Variants in FKBP14 observed in about 807,000 individuals in gnomAD.
FKBP14 encodes FKBP prolyl isomerase 14, also known as peptidyl-prolyl cis-trans isomerase FKBP14.
In FKBP14, 20 loss-of-function variants were observed where a neutral mutation model predicts 21.6. That is an observed-to-expected ratio of 0.92 (90% confidence interval 0.65 to 1.34). The LOEUF (loss-of-function observed/expected upper bound fraction) is 1.34, where lower values mean the gene tolerates loss of function less well. Among genes scored for constraint, FKBP14 ranks in the 40% most tolerant of loss-of-function variants. The probability of loss-of-function intolerance (pLI) is 0.00; values close to 1 mark genes in which losing one functional copy is unlikely to be tolerated. For synonymous variants in FKBP14, 79 were observed against 86.7 expected (o/e 0.91, Z 0.49); for missense variants, 253 against 249.0 (o/e 1.02, Z -0.11).
rs1310710662 is a variant in FKBP14 at position 30,010,643 on chromosome 7, TTAAA to T, written c.*4088_*4091del. The T allele has an allele frequency of 6.6e-6, 1 of 152,212 alleles. No individual in the cohort carries two copies. The highest frequency in any genetic ancestry group is 6.5e-5 in the Admixed American group (1 of 15,282). The allele number at this position is 152,212 out of a possible 1,614,324, so 9.4% of individuals were successfully genotyped here. ...AATATCACAATATAGTCATGTAAATTTAAATATGGCACACTGAGCAGTATTGACG... is the reference window on the plus strand; with the variant it reads ...AATATCACAATATAGTCATGTAAATTTATGGCACACTGAGCAGTATTGACG... On this transcript the variant is annotated 3_prime_UTR_variant, in exon 4 of 4. Coordinates refer to ENST00000222803, the MANE Select transcript of FKBP14 (RefSeq NM_017946.4).
chr7:30,019,970 T>C (rs1789988168), intron 2 of FKBP14, among the ~76,000 whole-genome samples: 1 of 151,956 alleles, frequency 6.6e-6, no homozygotes, highest in South Asian at 2.1e-4. Flanking sequence ...TCTTTAAAAG[T>C]GAAAAGAGCT....
At chr7:30,022,586 A>C in intron 2 of FKBP14, 79 bp downstream of exon 2, 1 of 1,433,480 alleles carries the variant, frequency 7.0e-7, no homozygotes, top group Non-Finnish European at 9.3e-7. Context: ...AAAAAAAGTT[A>C]TAGTGACTCT....
intron 2 of FKBP14, chr7:30,022,460 G>T: frequency 2.2e-6 from 1 of 460,352 alleles, no homozygotes; most frequent in Non-Finnish European, 3.8e-6. Flanking sequence ...TTTTTTTATT[G>T]TTAGCATAGT....
Position 30,014,389 on chromosome 7 carries a change from T to C in FKBP14, c.*346A>G, listed in dbSNP as rs570798299. ...GAGAAAATAGAGGGAAGCAGAAATA[T>C]AGGGTGCTAATTTGTGCTATAACCT... On this transcript the variant is annotated 3_prime_UTR_variant, in exon 4 of 4. Coordinates refer to ENST00000222803, the MANE Select transcript of FKBP14 (RefSeq NM_017946.4). The C allele has an allele frequency of 6.9e-5, 11 of 159,024 alleles. No homozygotes were observed. Among genetic ancestry groups the C allele is most frequent in the Non-Finnish European group, 8.2e-5 (6 of 72,906 alleles). 9.9% of individuals were successfully genotyped at this position (159,024 alleles called of 1,614,324 possible).
At chr7:30,016,992 T>C (rs1218863622) in intron 3 of FKBP14, among the ~76,000 whole-genome samples, 1 of 152,162 alleles carries the variant, frequency 6.6e-6, no homozygotes, top group African/African-American at 2.4e-5. Context: ...CTAGGATATA[T>C]TGTGTGAATA....
intron 1 of FKBP14, among the ~76,000 whole-genome samples, chr7:30,026,092 A>G (rs1790164335): frequency 6.6e-6 from 1 of 152,250 alleles, no homozygotes; most frequent in Non-Finnish European, 1.5e-5. Context: ...AAAAAAATTA[A>G]CAGCCTTTTC....
chr7:30,022,447 T>G (rs1790055851), intron 2 of FKBP14: 8 of 439,186 alleles, frequency 1.8e-5, no homozygotes, highest in Non-Finnish European at 2.0e-5. Flanking sequence ...GACCTCAATG[T>G]TCTTTTTTTA....
At chr7:30,018,950 C>T in intron 3 of FKBP14, 46 bp downstream of exon 3, 1 of 1,587,920 alleles carries the variant, frequency 6.3e-7, no homozygotes, top group Non-Finnish European at 8.5e-7. Flanking sequence ...AAACCCCAAA[C>T]AACCAAAGAA....
chr7:30,019,675 T>C (rs1433363871), intron 2 of FKBP14, among the ~76,000 whole-genome samples: 3 of 152,118 alleles, frequency 2.0e-5, no homozygotes, highest in Admixed American at 2.0e-4. Flanking sequence ...AATTTCCTCA[T>C]CTATAAAATG....
rs1790186660 is a variant in FKBP14 at position 30,026,577 on chromosome 7, A to G, written c.-69T>C. 1 of 1,454,668 alleles carries G rather than the reference A, an allele frequency of 6.9e-7. No homozygotes were observed. The highest frequency in any genetic ancestry group is 1.3e-5 in the South Asian group (1 of 75,610). The allele number at this position is 1,454,668 out of a possible 1,614,324, so 90.1% of individuals were successfully genotyped here. A position where few individuals can be genotyped will look rare whatever the true frequency, so the allele number is the denominator to read the frequency against. ...GTCCCTCGACTTCATAGATTTAAGAACGTAGTTCAAGGCTTACGGACAAGG... is the reference window on the plus strand; with the variant it reads ...GTCCCTCGACTTCATAGATTTAAGAGCGTAGTTCAAGGCTTACGGACAAGG... On this transcript the variant is annotated 5_prime_UTR_variant, in exon 1 of 4. Transcript: ENST00000222803.
At chr7:30,006,116 C>CTTT (rs67895228), downstream of FKBP14, among the ~76,000 whole-genome samples, 4 of 110,344 alleles carry the variant, frequency 3.6e-5, no homozygotes, top group Admixed American at 2.0e-4. Flanking sequence ...TTAGGATAGT[C>CTTT]TTTTTTTTTT....
chr7:30,007,062 T>C (rs931301196), downstream of FKBP14, among the ~76,000 whole-genome samples: 11 of 152,218 alleles, frequency 7.2e-5, no homozygotes, highest in African/African-American at 2.4e-4. Context: ...TACACTGATA[T>C]ACTGGGTACA....
downstream of FKBP14, among the ~76,000 whole-genome samples, chr7:30,009,773 T>G (rs1789680166): frequency 2.0e-5 from 3 of 149,132 alleles, no homozygotes; most frequent in Admixed American, 1.3e-4. Flanking sequence ...GCGGATTACC[T>G]GAGGTCAGGA....
chr7:30,019,739 T>G (rs558021238), intron 2 of FKBP14, among the ~76,000 whole-genome samples: 1 of 152,046 alleles, frequency 6.6e-6, no homozygotes, highest in African/African-American at 2.4e-5. Context: ...GGGAGAAAAA[T>G]CCATGCAAAA....
At chr7:30,017,748 T>G (rs1370078084) in intron 3 of FKBP14, among the ~76,000 whole-genome samples, 1 of 151,286 alleles carries the variant, frequency 6.6e-6, no homozygotes, top group Non-Finnish European at 1.5e-5. Context: ...GGCACAGTGG[T>G]TCACGTCTGT....
At chr7:30,023,073 A>G (rs1393470548) in intron 1 of FKBP14, among the ~76,000 whole-genome samples, 2 of 152,188 alleles carry the variant, frequency 1.3e-5, no homozygotes, top group East Asian at 3.8e-4. Context: ...AACAACAACC[A>G]TTTGAACATT....
chr7:30,006,891 C>T (rs1245725922), downstream of FKBP14, among the ~76,000 whole-genome samples: 1 of 152,200 alleles, frequency 6.6e-6, no homozygotes, highest in Non-Finnish European at 1.5e-5. Flanking sequence ...TCCCAAACCC[C>T]TTATTTTTAA....
downstream of FKBP14, among the ~76,000 whole-genome samples, chr7:30,007,953 G>A (rs1404358613): frequency 6.6e-6 from 1 of 152,128 alleles, no homozygotes; most frequent in Non-Finnish European, 1.5e-5. Flanking sequence ...GGAGGCTGAG[G>A]CAGGAGAATC....
At chr7:30,007,012 G>A (rs368611508), downstream of FKBP14, among the ~76,000 whole-genome samples, 4 of 152,264 alleles carry the variant, frequency 2.6e-5, no homozygotes, top group South Asian at 2.1e-4. Context: ...TGTCTTGTTC[G>A]CTGTGCCACG....
Sources: gnomAD v4.1 joint callset for allele counts (sites outside exome capture counted in the v4.1 genomes callset) on GRCh38, gnomAD v4.1.1 for gene constraint, MANE v1.5 for transcripts, NCBI Gene and HGNC (gene_info 2026-07-23, HGNC 2026-07-21) for gene names.